BABAM2: variants seen among roughly 807,000 people sequenced by gnomAD.
The protein encoded by BABAM2 is BRISC and BRCA1 A complex member 2, also known as BRISC and BRCA1-A complex member 2.
Under a neutral mutation model 54.7 loss-of-function variants are expected in BABAM2, and 31 were observed. The observed-to-expected ratio is 0.57, with a 90% confidence interval of 0.43 to 0.77. BABAM2 has a LOEUF of 0.77. Ranked by LOEUF, BABAM2 falls within the 30% of genes least tolerant of loss-of-function variation. BABAM2 has a pLI of 0.00. For missense variants in BABAM2, 364 were observed against 455.8 expected (o/e 0.80, Z 1.83); for synonymous variants, 167 against 162.9 (o/e 1.03, Z -0.19).
chr2:28,121,690 AT>A (rs1310956953), intron 6 of BABAM2, among the ~76,000 whole-genome samples: 2 of 151,880 alleles, frequency 1.3e-5, no homozygotes, highest in Admixed American at 1.3e-4. Flanking sequence ...CTCTGCTTTA[AT>A]TTTTCTCTAT....
At chr2:28,259,106 T>TC (rs1553352396) in intron 10 of BABAM2, among the ~76,000 whole-genome samples, 2,509 of 109,618 alleles carry the variant, frequency 0.023, 180 homozygotes, top group Non-Finnish European at 0.039. Context: ...TTTTTTTTTT[T>TC]CAGACTGAGT....
intron 3 of BABAM2, among the ~76,000 whole-genome samples, chr2:27,985,717 G>GTACC (rs1672350521): frequency 6.6e-6 from 1 of 152,058 alleles, no homozygotes; most frequent in African/African-American, 2.4e-5. Context: ...TACTCACCTT[G>GTACC]TACCGCTGTG....
intron 5 of BABAM2, among the ~76,000 whole-genome samples, chr2:28,026,282 C>T (rs1322272625): frequency 1.3e-5 from 2 of 152,102 alleles, no homozygotes; most frequent in Non-Finnish European, 2.9e-5. Flanking sequence ...CACATGTACA[C>T]GTATGTTTAT....
intron 2 of BABAM2, among the ~76,000 whole-genome samples, chr2:27,925,296 A>G (rs1667606412): frequency 6.6e-6 from 1 of 152,074 alleles, no homozygotes; most frequent in African/African-American, 2.4e-5. Context: ...AGATTTGGTT[A>G]TTATCTCACA....
intron 3 of BABAM2, among the ~76,000 whole-genome samples, chr2:27,936,747 A>G (rs972591191): frequency 1.1e-4 from 17 of 151,902 alleles, no homozygotes; most frequent in African/African-American, 3.4e-4. Flanking sequence ...GAATTGAACA[A>G]TGAGAACACA....
At chr2:28,008,129 A>G (rs747689451) in intron 4 of BABAM2, among the ~76,000 whole-genome samples, 6 of 152,198 alleles carry the variant, frequency 3.9e-5, no homozygotes, top group Non-Finnish European at 8.8e-5. Flanking sequence ...TCATAGAAAG[A>G]CAGTGATATG....
intron 4 of BABAM2, among the ~76,000 whole-genome samples, chr2:28,014,210 T>C (rs1674628875): frequency 6.6e-6 from 1 of 152,150 alleles, no homozygotes; most frequent in Non-Finnish European, 1.5e-5. Context: ...CTATTCACTG[T>C]GTATTAGACT....
intron 7 of BABAM2, among the ~76,000 whole-genome samples, chr2:28,151,180 A>G (rs1056101375): frequency 6.6e-6 from 1 of 152,224 alleles, no homozygotes; most frequent in Non-Finnish European, 1.5e-5. Flanking sequence ...CTATACCTGC[A>G]GCTCTTTTTG....
At chr2:28,227,424 C>T (rs187701923) in intron 7 of BABAM2, among the ~76,000 whole-genome samples, 73 of 152,232 alleles carry the variant, frequency 4.8e-4, no homozygotes, top group African/African-American at 1.7e-3. Context: ...CATTGCCCTG[C>T]CTTGTTAAGT....
At chr2:28,069,389 T>C (rs1663914927) in intron 6 of BABAM2, among the ~76,000 whole-genome samples, 1 of 152,226 alleles carries the variant, frequency 6.6e-6, no homozygotes, top group Non-Finnish European at 1.5e-5. Flanking sequence ...TTACAGGCCA[T>C]ACCCTATCTA....
chr2:28,195,180 A>G (rs1255117288), intron 7 of BABAM2, among the ~76,000 whole-genome samples: 10 of 152,298 alleles, frequency 6.6e-5, no homozygotes, highest in Middle Eastern at 3.4e-3. Flanking sequence ...TGGGGGATAA[A>G]AAATATACCC....
intron 7 of BABAM2, among the ~76,000 whole-genome samples, chr2:28,181,298 A>G (rs1417003125): frequency 6.6e-6 from 1 of 152,224 alleles, no homozygotes; most frequent in African/African-American, 2.4e-5. Flanking sequence ...CTACTTGGCC[A>G]TAAAGAGTGA....
chr2:28,280,954 C>T (rs1023540636), intron 10 of BABAM2, among the ~76,000 whole-genome samples: 1 of 152,122 alleles, frequency 6.6e-6, no homozygotes, highest in African/African-American at 2.4e-5. Flanking sequence ...CTGTTGAGTC[C>T]ACATCAGGCT....
intron 2 of BABAM2, among the ~76,000 whole-genome samples, chr2:27,914,351 C>T (rs1258026989): frequency 6.6e-6 from 1 of 152,164 alleles, no homozygotes; most frequent in Non-Finnish European, 1.5e-5. Context: ...ATTGATCCTG[C>T]ATGTTAGTGA....
intron 10 of BABAM2, among the ~76,000 whole-genome samples, chr2:28,295,789 G>A (rs1047899315): frequency 6.6e-5 from 10 of 150,986 alleles, no homozygotes; most frequent in Admixed American, 2.6e-4. Flanking sequence ...GAGCCACCGC[G>A]CCCAGCCACG....
At chr2:28,229,900 A>T (rs1474942313) in intron 7 of BABAM2, among the ~76,000 whole-genome samples, 1 of 151,870 alleles carries the variant, frequency 6.6e-6, no homozygotes, top group East Asian at 1.9e-4. Context: ...ATTTTTAATT[A>T]CTCCATTTAA....
chr2:28,123,077 T>A (rs1239392647), intron 6 of BABAM2, among the ~76,000 whole-genome samples: 1 of 152,210 alleles, frequency 6.6e-6, no homozygotes, highest in Non-Finnish European at 1.5e-5. Flanking sequence ...GCTAGTTCAG[T>A]GGCTTATTTC....
intron 3 of BABAM2, among the ~76,000 whole-genome samples, chr2:27,940,930 C>T (rs2148381144): frequency 6.6e-6 from 1 of 152,276 alleles, no homozygotes; most frequent in Middle Eastern, 3.4e-3. Context: ...CCCTCCACCC[C>T]AACCAACCCC....
intron 3 of BABAM2, among the ~76,000 whole-genome samples, chr2:27,965,784 T>G (rs1480391046): frequency 6.6e-6 from 1 of 152,210 alleles, no homozygotes; most frequent in African/African-American, 2.4e-5. Context: ...TTTAGCTCTC[T>G]TATTTGCAGT....
Sources: allele counts gnomAD v4.1 joint callset (sites outside exome capture counted in the v4.1 genomes callset), GRCh38; gene constraint gnomAD v4.1.1; transcripts MANE v1.5; gene names NCBI Gene and HGNC (gene_info 2026-07-23, HGNC 2026-07-21).